Variants in CYTIP observed in about 807,000 individuals in gnomAD.
CYTIP encodes cytohesin 1 interacting protein, also known as cytohesin-interacting protein.
In CYTIP, 26 loss-of-function variants were observed where a neutral mutation model predicts 43.8. That is an observed-to-expected ratio of 0.59 (90% CI 0.44 to 0.82). The LOEUF (loss-of-function observed/expected upper bound fraction) is 0.82. Among genes scored for constraint, CYTIP ranks in the 40% least tolerant of loss-of-function variants. CYTIP has a pLI of 0.00. For missense variants in CYTIP, 426 were observed against 443.1 expected, an observed-to-expected ratio of 0.96 and a Z score of 0.35; for synonymous variants, 162 against 162.9, an observed-to-expected ratio of 0.99 and a Z score of 0.04.
rs763522141 is a variant in CYTIP at position 157,415,793 on chromosome 2, A to G, written c.964T>C (p.Ser322Pro). 1.2e-6 allele frequency: 2 copies of G among 1,614,238 alleles called. No individual in the cohort carries two copies. The highest frequency in any genetic ancestry group is 1.1e-5 in the South Asian group (1 of 91,092). The change falls in exon 8 of 8, where the codon TCA becomes CCA. Residue 322 changes from serine to proline, a missense_variant. Coordinates refer to ENST00000264192, the MANE Select transcript of CYTIP (RefSeq NM_004288.5). ...SMSPLWEGNL[S>P]SMFGTLPRKS... is the part of the protein sequence containing the mutation. ...CGGGGCAGGGTCCCAAACATGCTTG[A>G]TAAGTTGCCCTCCCACAAGGGAGAC...
At chr2:157,442,458 C>T (rs1029822825) in intron 1 of CYTIP, among the ~76,000 whole-genome samples, 2 of 116,224 alleles carry the variant, frequency 1.7e-5, no homozygotes, top group Non-Finnish European at 3.5e-5. Flanking sequence ...TGAAAAAGTA[C>T]CCACAGTCTC....
chr2:157,431,091 A>G (rs998457405), intron 3 of CYTIP, 129 bp from the exon 4 acceptor site: 1 of 700,088 alleles, frequency 1.4e-6, no homozygotes, highest in East Asian at 2.9e-5. Context: ...GATTTCCACT[A>G]TAAACTAAAT....
rs141673769 is a variant in CYTIP, at chr2:157,419,405, C to T, written c.547-816G>A. Among the ~76,000 whole-genome samples, 529 of 152,332 alleles carry T rather than the reference C, an allele frequency of 3.5e-3. 1 individual carries two copies. Among genetic ancestry groups the T allele is most frequent in the African/African-American group, 0.012 (507 of 41,580 alleles). On this transcript the variant is annotated intron_variant, in intron 6 of 7. Coordinates refer to ENST00000264192, the MANE Select transcript of CYTIP (RefSeq NM_004288.5). ...GCACCCTAACTTCTTAACTGCCTCC[C>T]TTCTTGGCTGCCCCAGCACACGAGA...
chr2:157,441,540 AAATT>A (rs748953644), intron 1 of CYTIP, among the ~76,000 whole-genome samples: 1 of 152,268 alleles, frequency 6.6e-6, no homozygotes, highest in East Asian at 1.9e-4. Context: ...ACATCTGCAT[AAATT>A]AATTAGTATG....
chr2:157,422,396 G>C (rs543460533), intron 6 of CYTIP, among the ~76,000 whole-genome samples: 4 of 152,226 alleles, frequency 2.6e-5, no homozygotes, highest in African/African-American at 9.6e-5. Flanking sequence ...GGCCAGGTGC[G>C]GTGACTCACA....
rs149756989 is a variant in CYTIP at position 157,417,032 on chromosome 2, C to T, written c.614-889G>A. On this transcript the variant is annotated intron_variant, in intron 7 of 7. Transcript: ENST00000264192. The stretch of plus-strand genomic sequence containing the variant: ...ACTTGTAATACCAGCCTTGGAAAAA[C>T]GTAATCAGTAAGTGACTATGCTTCA... Among the ~76,000 whole-genome samples the T allele has an allele frequency of 3.5e-3, 534 of 151,868 alleles. 1 individual carries two copies. The highest frequency in any genetic ancestry group is 0.012 in the African/African-American group (508 of 41,400).
intron 6 of CYTIP, among the ~76,000 whole-genome samples, chr2:157,424,795 G>A (rs987163079): frequency 7.2e-5 from 11 of 152,108 alleles, no homozygotes; most frequent in African/African-American, 2.7e-4. Flanking sequence ...AAGAATAACT[G>A]TGCCCAATGT....
At chr2:157,435,310 A>C (rs1267090603) in intron 1 of CYTIP, among the ~76,000 whole-genome samples, 1 of 152,198 alleles carries the variant, frequency 6.6e-6, no homozygotes, top group Non-Finnish European at 1.5e-5. Flanking sequence ...TTAGTAGGAT[A>C]AAATAATCTC....
At chr2:157,419,322 A>G (rs191789732) in intron 6 of CYTIP, among the ~76,000 whole-genome samples, 5 of 152,314 alleles carry the variant, frequency 3.3e-5, no homozygotes, top group African/African-American at 1.2e-4. Context: ...CACACAAAAA[A>G]GGAGAACAGA....
chr2:157,420,687 T>A (rs1305216161), intron 6 of CYTIP, among the ~76,000 whole-genome samples: 3 of 143,944 alleles, frequency 2.1e-5, no homozygotes, highest in African/African-American at 7.7e-5. Context: ...AGGACTGCTA[T>A]GCTGCCTTAT....
intron 7 of CYTIP, among the ~76,000 whole-genome samples, chr2:157,418,168 A>G (rs1342541381): frequency 6.6e-6 from 1 of 152,220 alleles, no homozygotes; most frequent in East Asian, 1.9e-4. Context: ...TCTAAAAACT[A>G]TACAGCCCCT....
At chr2:157,432,314 C>A (rs935501948) in intron 3 of CYTIP, among the ~76,000 whole-genome samples, 2 of 152,096 alleles carry the variant, frequency 1.3e-5, no homozygotes, top group African/African-American at 4.8e-5. Flanking sequence ...TAGAAAAAAA[C>A]AGAAACCCCA....
chr2:157,430,964 T>G lies in CYTIP; in HGVS notation c.280-2A>C. Reference sequence around the variant, plus strand: ...ATTCTGATTCTGGGGCCTGTAAGACTGTAAAAATTAAGATGATATATAGTT... The same window carrying G: ...ATTCTGATTCTGGGGCCTGTAAGACGGTAAAAATTAAGATGATATATAGTT... On this transcript the variant is annotated splice_acceptor_variant, in intron 3 of 7. Transcript: ENST00000264192. LOFTEE classifies it high-confidence loss of function. 1 of 1,600,116 alleles carries G rather than the reference T, an allele frequency of 6.2e-7. No individual in the cohort carries two copies. The highest frequency in any genetic ancestry group is 1.3e-5 in the African/African-American group (1 of 74,074).
At chr2:157,431,677 T>C (rs1027461881) in intron 3 of CYTIP, among the ~76,000 whole-genome samples, 1 of 152,224 alleles carries the variant, frequency 6.6e-6, no homozygotes, top group Non-Finnish European at 1.5e-5. Flanking sequence ...CCCAATGACC[T>C]ATAACAAATA....
At chr2:157,423,579 T>G (rs1241051325) in intron 6 of CYTIP, among the ~76,000 whole-genome samples, 2 of 151,872 alleles carry the variant, frequency 1.3e-5, no homozygotes, top group African/African-American at 4.8e-5. Flanking sequence ...CAGATGGTAT[T>G]ATTAAAATTC....
chr2:157,443,823 A>C (rs1222702398), intron 1 of CYTIP, 24 bp downstream of exon 1: 2 of 1,612,242 alleles, frequency 1.2e-6, no homozygotes, highest in African/African-American at 2.7e-5. Flanking sequence ...GAACACTCTA[A>C]AGGGTACAAA....
intron 6 of CYTIP, among the ~76,000 whole-genome samples, chr2:157,420,735 AG>A (rs939815933): frequency 2.3e-4 from 35 of 150,572 alleles, no homozygotes; most frequent in African/African-American, 8.0e-4. Flanking sequence ...GGTTATATGA[AG>A]GTCAAAATTA....
At chr2:157,438,497 T>C (rs537757928) in intron 1 of CYTIP, among the ~76,000 whole-genome samples, 6 of 152,348 alleles carry the variant, frequency 3.9e-5, no homozygotes, top group Admixed American at 1.3e-4. Flanking sequence ...TAGTATATCA[T>C]GTACTAGTTT....
intron 6 of CYTIP, among the ~76,000 whole-genome samples, chr2:157,422,304 G>T (rs1161631980): frequency 2.0e-5 from 3 of 152,160 alleles, no homozygotes; most frequent in African/African-American, 7.2e-5. Flanking sequence ...AAACACAGAT[G>T]TTTAATGATA....
Sources: allele counts gnomAD v4.1 joint callset (sites outside exome capture counted in the v4.1 genomes callset), GRCh38; gene constraint gnomAD v4.1.1; transcripts MANE v1.5; gene names NCBI Gene and HGNC (gene_info 2026-07-23, HGNC 2026-07-21).